Variants in DLC1 observed in about 807,000 individuals in gnomAD.
DLC1 encodes the protein rho GTPase-activating protein 7.
In DLC1, 54 loss-of-function variants were observed where a neutral mutation model predicts 140.3. The observed-to-expected ratio is 0.38, with a 90% CI of 0.31 to 0.48. The LOEUF (loss-of-function observed/expected upper bound fraction) is 0.48. Ranked by LOEUF, DLC1 falls within the 20% of genes least tolerant of loss-of-function variation. DLC1 has a pLI of 0.96. For missense variants in DLC1, 2,536 were observed against 1,907.0 expected (o/e 1.33, Z -6.14); for synonymous variants, 986 against 728.1 (o/e 1.35, Z -5.70).
chr8:13,164,197 A>G (rs1213384086), intron 5 of DLC1, among the ~76,000 whole-genome samples: 1 of 152,052 alleles, frequency 6.6e-6, no homozygotes, highest in Non-Finnish European at 1.5e-5. Context: ...CTTGGGAGGC[A>G]GAGGCAGGAT....
At chr8:13,172,105 C>G (rs978305406) in intron 5 of DLC1, among the ~76,000 whole-genome samples, 2 of 152,138 alleles carry the variant, frequency 1.3e-5, no homozygotes, top group Non-Finnish European at 2.9e-5. Context: ...CTTACGATAA[C>G]AAAACATTTT....
At chr8:13,235,592 T>G (rs2117217166) in intron 5 of DLC1, among the ~76,000 whole-genome samples, 1 of 152,160 alleles carries the variant, frequency 6.6e-6, no homozygotes, top group South Asian at 2.1e-4. Flanking sequence ...AGAAAGATCC[T>G]CCTGAACTGA....
At chr8:13,348,584 A>G (rs557314709) in intron 4 of DLC1, among the ~76,000 whole-genome samples, 33 of 152,332 alleles carry the variant, frequency 2.2e-4, no homozygotes, top group Admixed American at 1.1e-3. Flanking sequence ...TCTTTAGAAT[A>G]TTAATAGGAA....
intron 4 of DLC1, 101 bp downstream of exon 4, chr8:13,393,452 G>T: frequency 7.7e-7 from 1 of 1,299,430 alleles, no homozygotes; most frequent in Non-Finnish European, 1.0e-6. Context: ...CTATGGCTAA[G>T]ATTCCAACAG....
At chr8:13,475,832 G>A (rs1800411244) in intron 2 of DLC1, among the ~76,000 whole-genome samples, 1 of 152,188 alleles carries the variant, frequency 6.6e-6, no homozygotes, top group Non-Finnish European at 1.5e-5. Flanking sequence ...GACTATGCAT[G>A]CCATCTTGGA....
At chr8:13,549,159 A>C (rs1036844454) in intron 1 of DLC1, among the ~76,000 whole-genome samples, 3 of 152,072 alleles carry the variant, frequency 2.0e-5, no homozygotes, top group Non-Finnish European at 4.4e-5. Flanking sequence ...GAAGGAAATA[A>C]CATCTTAAGT....
chr8:13,391,002 A>AG (rs1399128552), intron 4 of DLC1, among the ~76,000 whole-genome samples: 1 of 151,512 alleles, frequency 6.6e-6, no homozygotes, highest in Admixed American at 6.6e-5. Flanking sequence ...AAAAGAAAAA[A>AG]AAAAGAAAAA....
intron 5 of DLC1, among the ~76,000 whole-genome samples, chr8:13,223,455 C>T (rs1828652868): frequency 1.3e-5 from 2 of 152,264 alleles, no homozygotes; most frequent in Middle Eastern, 6.8e-3. Context: ...CTTTCCCTTG[C>T]TCTTACTCTG....
intron 2 of DLC1, among the ~76,000 whole-genome samples, chr8:13,463,805 A>C (rs1325754243): frequency 6.6e-6 from 1 of 152,084 alleles, no homozygotes; most frequent in Non-Finnish European, 1.5e-5. Context: ...TTCCCTAGAG[A>C]GTTTCTGTTA....
chr8:13,520,541 C>G (rs1332103150), intron 1 of DLC1, among the ~76,000 whole-genome samples: 1 of 151,984 alleles, frequency 6.6e-6, no homozygotes, highest in Non-Finnish European at 1.5e-5. Context: ...TTGATGGGTG[C>G]AGCAAACCAC....
intron 1 of DLC1, among the ~76,000 whole-genome samples, chr8:13,543,042 C>T (rs12543313): frequency 0.12 from 18,198 of 151,976 alleles, 1,255 homozygotes; most frequent in Non-Finnish European, 0.14. Context: ...ACTAGCTTTG[C>T]ATATGGACAA....
intron 4 of DLC1, among the ~76,000 whole-genome samples, chr8:13,328,412 A>G (rs966036906): frequency 6.6e-6 from 1 of 152,106 alleles, no homozygotes; most frequent in Non-Finnish European, 1.5e-5. Flanking sequence ...AGTGTAGAAG[A>G]CGTCACAGTC....
intron 5 of DLC1, among the ~76,000 whole-genome samples, chr8:13,232,775 A>C (rs1829108134): frequency 6.6e-6 from 1 of 152,238 alleles, no homozygotes; most frequent in African/African-American, 2.4e-5. Context: ...TTTAGACTCA[A>C]ATACAAATCA....
rs527514318 is a variant in DLC1, at chr8:13,467,855, A to T, written c.1023+31194T>A. 3.3e-5 allele frequency among the ~76,000 whole-genome samples: 5 copies of T among 152,338 alleles called. No individual in the cohort carries two copies. In the East Asian group the frequency reaches 7.7e-4, roughly 23 times the overall value. On this transcript the variant is annotated intron_variant, in intron 2 of 17. Coordinates refer to ENST00000276297, the MANE Select transcript of DLC1 (RefSeq NM_182643.3). ...AGTATTATACAAATTTTAAAATAAC[A>T]TATATAGATTTTTCTAATAGTAAAA...
At chr8:13,098,265 T>C in intron 10 of DLC1, 134 bp downstream of exon 10, 1 of 1,149,912 alleles carries the variant, frequency 8.7e-7, no homozygotes, top group Non-Finnish European at 1.2e-6. Flanking sequence ...ATGCAGAGAG[T>C]GATTGCCATA....
At chr8:13,222,639 C>G (rs1272912752) in intron 5 of DLC1, among the ~76,000 whole-genome samples, 2 of 152,128 alleles carry the variant, frequency 1.3e-5, no homozygotes, top group Non-Finnish European at 2.9e-5. Context: ...GCTTCTGCTG[C>G]TTATTTTCAT....
At chr8:13,604,298 C>G (rs902937970) in intron 1 of DLC1, among the ~76,000 whole-genome samples, 8 of 152,100 alleles carry the variant, frequency 5.3e-5, no homozygotes, top group Admixed American at 3.9e-4. Context: ...GAAAGCATTA[C>G]ACATTTTTGG....
At chr8:13,566,746 G>T (rs141944380) in intron 1 of DLC1, 18 of 499,934 alleles carry the variant, frequency 3.6e-5, no homozygotes, top group Admixed American at 7.6e-5. Context: ...CCAACCCGGC[G>T]CAAGCAGCGC....
At chr8:13,168,713 A>G (rs1400679150) in intron 5 of DLC1, among the ~76,000 whole-genome samples, 1 of 152,202 alleles carries the variant, frequency 6.6e-6, no homozygotes, top group Non-Finnish European at 1.5e-5. Flanking sequence ...GCTGTTTTGC[A>G]TTTGCTGTTT....
Sources: gnomAD v4.1 joint callset for allele counts (sites outside exome capture counted in the v4.1 genomes callset) on GRCh38, gnomAD v4.1.1 for gene constraint, MANE v1.5 for transcripts, NCBI Gene and HGNC (gene_info 2026-07-23, HGNC 2026-07-21) for gene names.